Variants in PTPRD observed in about 807,000 individuals in gnomAD.
The protein encoded by PTPRD is receptor-type tyrosine-protein phosphatase delta.
PTPRD carries 34 observed loss-of-function variants against 214.5 expected under a neutral mutation model. That is an observed-to-expected ratio of 0.16 (90% confidence interval 0.12 to 0.21). PTPRD has a LOEUF of 0.21. Among genes scored for constraint, PTPRD ranks in the 10% least tolerant of loss-of-function variants. PTPRD has a pLI of 1.00. For missense variants in PTPRD, 2,545 were observed against 2,398.7 expected (o/e 1.06, Z -1.27); for synonymous variants, 1,128 against 845.7 (o/e 1.33, Z -5.79).
chr9:9,767,713 C>T (rs724330), intron 5 of PTPRD, among the ~76,000 whole-genome samples: 29,185 of 151,948 alleles, frequency 0.19, 4,466 homozygotes, highest in African/African-American at 0.4. Flanking sequence ...TGATCTCTAC[C>T]ACTATTTTGG....
chr9:9,052,101 G>T (rs937641025), intron 10 of PTPRD, among the ~76,000 whole-genome samples: 11 of 152,160 alleles, frequency 7.2e-5, no homozygotes, highest in Non-Finnish European at 1.2e-4. Flanking sequence ...GACTCAGTGT[G>T]GTGTGGTGTT....
intron 3 of PTPRD, among the ~76,000 whole-genome samples, chr9:10,073,424 C>A (rs532817043): frequency 5.1e-4 from 78 of 152,058 alleles, no homozygotes; most frequent in African/African-American, 1.8e-3. Context: ...ACTGTCACAG[C>A]CAAGAGGAGC....
intron 6 of PTPRD, among the ~76,000 whole-genome samples, chr9:9,763,167 G>T (rs1346570179): frequency 6.6e-6 from 1 of 152,142 alleles, no homozygotes; most frequent in Non-Finnish European, 1.5e-5. Flanking sequence ...TGTGTTAGAA[G>T]TTATTCAATG....
chr9:9,207,220 G>A (rs1480629830), intron 9 of PTPRD, among the ~76,000 whole-genome samples: 1 of 152,160 alleles, frequency 6.6e-6, no homozygotes, highest in East Asian at 1.9e-4. Flanking sequence ...AAGAGTTGGT[G>A]TGTGGTGAGA....
chr9:10,130,931 G>C (rs1564008777), intron 3 of PTPRD, among the ~76,000 whole-genome samples: 1 of 152,064 alleles, frequency 6.6e-6, no homozygotes, highest in Non-Finnish European at 1.5e-5. Flanking sequence ...TTAGAATAGA[G>C]GAGACTGGGA....
chr9:9,728,398 T>G (rs2098129112), intron 7 of PTPRD, among the ~76,000 whole-genome samples: 1 of 152,214 alleles, frequency 6.6e-6, no homozygotes, highest in Non-Finnish European at 1.5e-5. Context: ...TGTATACAAT[T>G]ATTTTTGATC....
chr9:9,595,718 T>C (rs2093290935), intron 7 of PTPRD, among the ~76,000 whole-genome samples: 1 of 151,854 alleles, frequency 6.6e-6, no homozygotes, highest in African/African-American at 2.4e-5. Context: ...TCGCATGTTC[T>C]CACTCATAAG....
intron 9 of PTPRD, among the ~76,000 whole-genome samples, chr9:9,325,952 A>T (rs1405512495): frequency 2.6e-5 from 4 of 152,060 alleles, no homozygotes; most frequent in Non-Finnish European, 5.9e-5. Flanking sequence ...TGAGATAATC[A>T]TGTGTTTTTT....
chr9:8,514,809 G>C (rs147686304), intron 21 of PTPRD, among the ~76,000 whole-genome samples: 26 of 152,198 alleles, frequency 1.7e-4, no homozygotes, highest in Admixed American at 3.9e-4. Flanking sequence ...TTCTCAAACT[G>C]TAATCCCCAT....
At chr9:9,536,786 C>T (rs1279292064) in intron 8 of PTPRD, among the ~76,000 whole-genome samples, 1 of 152,012 alleles carries the variant, frequency 6.6e-6, no homozygotes, top group Non-Finnish European at 1.5e-5. Context: ...AACGAAAAGC[C>T]CCTTCTCATT....
At chr9:9,325,558 G>A (rs944202815) in intron 9 of PTPRD, among the ~76,000 whole-genome samples, 2 of 152,156 alleles carry the variant, frequency 1.3e-5, no homozygotes, top group African/African-American at 2.4e-5. Context: ...CTGAGACTTT[G>A]CTGAAGTTGC....
At chr9:8,940,586 A>C (rs2099027444) in intron 11 of PTPRD, among the ~76,000 whole-genome samples, 1 of 150,814 alleles carries the variant, frequency 6.6e-6, no homozygotes, top group Non-Finnish European at 1.5e-5. Flanking sequence ...GAGCCACCGC[A>C]CCCAGCCTGC....
chr9:10,316,668 A>C (rs2096442019), intron 3 of PTPRD, among the ~76,000 whole-genome samples: 1 of 151,954 alleles, frequency 6.6e-6, no homozygotes, highest in South Asian at 2.1e-4. Flanking sequence ...AAGATTTTTA[A>C]TGTACCTTTT....
chr9:8,554,254 A>G (rs568256801), intron 14 of PTPRD, among the ~76,000 whole-genome samples: 25 of 152,320 alleles, frequency 1.6e-4, no homozygotes, highest in African/African-American at 6.0e-4. Context: ...AAAAATAAAT[A>G]AAAGCTTTGT....
intron 4 of PTPRD, among the ~76,000 whole-genome samples, chr9:9,961,383 G>C (rs1218975659): frequency 6.6e-6 from 1 of 152,056 alleles, no homozygotes; most frequent in Non-Finnish European, 1.5e-5. Flanking sequence ...TAATAAATAA[G>C]TGAAATTGAG....
chr9:9,627,077 G>C (rs1463407606), intron 7 of PTPRD, among the ~76,000 whole-genome samples: 1 of 152,210 alleles, frequency 6.6e-6, no homozygotes, highest in Admixed American at 6.5e-5. Context: ...ACTTTGGGAG[G>C]CCAAGGCTGT....
chr9:9,725,804 A>G (rs541066226), intron 7 of PTPRD, among the ~76,000 whole-genome samples: 5 of 152,276 alleles, frequency 3.3e-5, no homozygotes, highest in African/African-American at 1.2e-4. Context: ...ACTGTAGGAC[A>G]TTTTTTCTTT....
intron 9 of PTPRD, among the ~76,000 whole-genome samples, chr9:9,318,340 G>A (rs1264276194): frequency 6.6e-6 from 1 of 151,908 alleles, no homozygotes; most frequent in Non-Finnish European, 1.5e-5. Context: ...TAAGAGTCAG[G>A]AAAGTAGTGA....
At chr9:9,997,637 TAGAG>T (rs762156549) in intron 4 of PTPRD, among the ~76,000 whole-genome samples, 5 of 152,118 alleles carry the variant, frequency 3.3e-5, no homozygotes, top group Admixed American at 6.5e-5. Flanking sequence ...TTTAGGCAGA[TAGAG>T]AGAGTAAAAA....
Sources: allele counts gnomAD v4.1 joint callset (sites outside exome capture counted in the v4.1 genomes callset), GRCh38; gene constraint gnomAD v4.1.1; transcripts MANE v1.5; gene names NCBI Gene and HGNC (gene_info 2026-07-23, HGNC 2026-07-21).